The following PHKB variants were observed in gnomAD, a reference collection of about 807,000 sequenced individuals.
PHKB encodes phosphorylase b kinase regulatory subunit beta.
PHKB carries 122 observed loss-of-function variants against 152.1 expected under a neutral mutation model. The ratio of observed to expected loss-of-function variants is 0.80; its 90% CI spans 0.69 to 0.93. The LOEUF (loss-of-function observed/expected upper bound fraction) is 0.93. PHKB is among the 40% of genes least tolerant of loss of function. PHKB has a pLI of 0.00. For missense variants in PHKB, 1,304 were observed against 1,328.4 expected (o/e 0.98, Z 0.29); for synonymous variants, 436 against 464.9 (o/e 0.94, Z 0.80).
intron 6 of PHKB, chr16:47,530,058 G>A (rs1340877337): frequency 1.5e-4 from 23 of 151,402 alleles, no homozygotes; most frequent in Admixed American, 1.5e-3. Flanking sequence ...CCAAAAATCT[G>A]CAGCAGATAT....
rs1337169196 is a variant in PHKB at position 47,698,558 on chromosome 16, T to G, written c.3114T>G (p.Asp1038Glu). 14 of 1,532,530 alleles carry G rather than the reference T, an allele frequency of 9.1e-6. No individual in the cohort carries two copies. The highest frequency in any genetic ancestry group is 1.3e-5 in the Non-Finnish European group (14 of 1,117,686). 94.9% of individuals were successfully genotyped at this position (1,532,530 alleles called of 1,614,324 possible). A position where few individuals can be genotyped will look rare whatever the true frequency, so the allele number is the denominator to read the frequency against. Reference protein sequence around the residue: ...VKEAFNEFQKDQSRLKEIEKQ... With the variant: ...VKEAFNEFQKEQSRLKEIEKQ... ...AAGCATTTAATGAATTTCAAAAAGA[T>G]CAGAGTCGGCTAAAGGAAATTGAAA... The change falls in exon 30 of 31, where the codon GAT becomes GAG. Residue 1038 changes from aspartate to glutamate, a missense_variant. Coordinates refer to ENST00000323584, the MANE Select transcript of PHKB (RefSeq NM_000293.3).
intron 26 of PHKB, among the ~76,000 whole-genome samples, chr16:47,678,291 G>A (rs1973774914): frequency 6.6e-6 from 1 of 152,154 alleles, no homozygotes. Flanking sequence ...ACCCAGTAAT[G>A]GGACGGCTGG....
intron 26 of PHKB, among the ~76,000 whole-genome samples, 190 bp from the exon 27 acceptor site, chr16:47,688,851 C>T (rs1392721734): frequency 6.6e-6 from 1 of 152,136 alleles, no homozygotes; most frequent in Non-Finnish European, 1.5e-5. Context: ...GGGCAGGCCT[C>T]ATTTTTAAGA....
chr16:47,649,990 A>G (rs1973205992), intron 18 of PHKB, among the ~76,000 whole-genome samples: 1 of 152,208 alleles, frequency 6.6e-6, no homozygotes. Flanking sequence ...TGGTCTGTAT[A>G]AATTCAGTCC....
At chr16:47,526,812 A>G (rs752687147) in intron 6 of PHKB, among the ~76,000 whole-genome samples, 1 of 152,178 alleles carries the variant, frequency 6.6e-6, no homozygotes, top group African/African-American at 2.4e-5. Context: ...GCATTGCTAT[A>G]AAGAAATACC....
chr16:47,519,779 A>G (rs1970655770), intron 6 of PHKB, among the ~76,000 whole-genome samples: 1 of 152,208 alleles, frequency 6.6e-6, no homozygotes, highest in African/African-American at 2.4e-5. Context: ...TATGATCAGG[A>G]GCCAGCCTGC....
chr16:47,687,169 C>A (rs2041911938), intron 26 of PHKB, among the ~76,000 whole-genome samples: 1 of 151,910 alleles, frequency 6.6e-6, no homozygotes, highest in Non-Finnish European at 1.5e-5. Context: ...AGTTTTAAAT[C>A]TAAGTAAAGA....
chr16:47,545,498 C>T (rs762004955), intron 6 of PHKB, among the ~76,000 whole-genome samples: 5 of 152,098 alleles, frequency 3.3e-5, no homozygotes, highest in African/African-American at 4.8e-5. Flanking sequence ...GTGGGTAACC[C>T]GACCTTTCTC....
chr16:47,672,818 T>C (rs1973659493), intron 26 of PHKB, among the ~76,000 whole-genome samples: 2 of 152,184 alleles, frequency 1.3e-5, no homozygotes, highest in Non-Finnish European at 2.9e-5. Context: ...TTATATCTGT[T>C]ACTCTGTATG....
intron 4 of PHKB, among the ~76,000 whole-genome samples, chr16:47,504,677 T>C (rs1279912920): frequency 6.6e-6 from 1 of 152,240 alleles, no homozygotes; most frequent in Admixed American, 6.5e-5. Flanking sequence ...CCCGTTTTTT[T>C]CCTCTGTTAA....
intron 14 of PHKB, among the ~76,000 whole-genome samples, chr16:47,636,608 C>T (rs1480611089): frequency 6.6e-6 from 1 of 152,246 alleles, no homozygotes; most frequent in Non-Finnish European, 1.5e-5. Context: ...TGATGCAACA[C>T]AGCTGGGTGT....
intron 14 of PHKB, 66 bp downstream of exon 14, chr16:47,610,986 A>G: frequency 9.9e-7 from 1 of 1,006,750 alleles, no homozygotes; most frequent in Non-Finnish European, 1.6e-6. Context: ...TTGAAGAGGA[A>G]ATTTTTGTTC....
At chr16:47,511,461 C>G (rs562978300) in intron 4 of PHKB, among the ~76,000 whole-genome samples, 1 of 152,296 alleles carries the variant, frequency 6.6e-6, no homozygotes, top group East Asian at 1.9e-4. Context: ...TGTGAAATAT[C>G]AATTGAGAAT....
At chr16:47,584,151 G>C (rs1971896985) in intron 8 of PHKB, among the ~76,000 whole-genome samples, 1 of 151,756 alleles carries the variant, frequency 6.6e-6, no homozygotes, top group African/African-American at 2.4e-5. Context: ...AAAAGGCCTA[G>C]TTTCCATAAT....
chr16:47,616,583 T>C (rs1972520915), intron 14 of PHKB, among the ~76,000 whole-genome samples: 1 of 144,192 alleles, frequency 6.9e-6, no homozygotes, highest in African/African-American at 2.5e-5. Context: ...CATATAAATA[T>C]CATATATTAA....
chr16:47,655,342 A>G (rs1973316976), intron 20 of PHKB, among the ~76,000 whole-genome samples: 1 of 152,222 alleles, frequency 6.6e-6, no homozygotes, highest in African/African-American at 2.4e-5. Flanking sequence ...TATTTTAAGA[A>G]GAAATCAAAA....
chr16:47,507,537 A>C (rs535448428), intron 4 of PHKB, among the ~76,000 whole-genome samples: 1 of 149,314 alleles, frequency 6.7e-6, no homozygotes, highest in African/African-American at 2.5e-5. Flanking sequence ...TTAATTTTAA[A>C]AATAGAGACA....
At chr16:47,659,577 A>G (rs1425886290) in intron 20 of PHKB, among the ~76,000 whole-genome samples, 1 of 152,180 alleles carries the variant, frequency 6.6e-6, no homozygotes, top group Non-Finnish European at 1.5e-5. Context: ...CCACTGACAA[A>G]CACAAACAGT....
chr16:47,640,956 A>G (rs1973007972), intron 14 of PHKB, 79 bp from the exon 15 acceptor site: 1 of 1,303,890 alleles, frequency 7.7e-7, no homozygotes, highest in African/African-American at 1.5e-5. Flanking sequence ...GATGGTTAAT[A>G]TTGTCCTTGT....
Sources: gnomAD v4.1 joint callset for allele counts (sites outside exome capture counted in the v4.1 genomes callset) on GRCh38, gnomAD v4.1.1 for gene constraint, MANE v1.5 for transcripts, NCBI Gene and HGNC (gene_info 2026-07-23, HGNC 2026-07-21) for gene names.